The following SYNE2 variants were observed in gnomAD, a reference collection of about 807,000 sequenced individuals.
SYNE2 encodes nesprin-2.
A neutral mutation model predicts 856.3 loss-of-function variants in SYNE2; 431 were observed. That is an observed-to-expected ratio of 0.50 (90% CI 0.47 to 0.55). The LOEUF is 0.55. SYNE2 is among the 20% of genes least tolerant of loss of function. SYNE2 has a pLI of 0.00. For missense variants in SYNE2, 8,129 were observed against 8,023.2 expected (o/e 1.01, Z -0.50); for synonymous variants, 2,923 against 2,872.3 (o/e 1.02, Z -0.56).
chr14:64,126,404 C>G lies in SYNE2; in HGVS notation c.13632C>G (p.Leu4544=). 1 of 1,614,150 alleles carries G rather than the reference C, an allele frequency of 6.2e-7. No homozygotes were observed. Among genetic ancestry groups the G allele is most frequent in the Non-Finnish European group, 8.5e-7 (1 of 1,180,016 alleles). ...TATTCCTGACCCTCAGTCAGTGCCTCAGCAGTGTGGAGGAGATGCTGGAGA... is the reference window on the plus strand; with the variant it reads ...TATTCCTGACCCTCAGTCAGTGCCTGAGCAGTGTGGAGGAGATGCTGGAGA... ...FELFLTLSQC[L]SSVEEMLEMP... Residue 4544 remains leucine (L), a synonymous_variant, in exon 72 of 116, where the codon CTC becomes CTG. Coordinates refer to ENST00000555002, the MANE Select transcript of SYNE2 (RefSeq NM_182914.3).
intron 1 of SYNE2, among the ~76,000 whole-genome samples, chr14:63,832,866 CAAAAAAAAAAAAAAA>C (rs36099684): frequency 3.1e-5 from 2 of 64,752 alleles, no homozygotes; most frequent in Non-Finnish European, 5.7e-5. Flanking sequence ...CTGTCTCTAC[CAAAAAAAAAAAAAAA>C]AAAAAAAAAT....
intron 84 of SYNE2, among the ~76,000 whole-genome samples, chr14:64,147,518 T>C (rs1398476211): frequency 1.3e-5 from 2 of 152,164 alleles, no homozygotes; most frequent in Non-Finnish European, 2.9e-5. Context: ...TTGTTTCTCT[T>C]TTTGATAGAT....
chr14:64,217,716 C>T (rs534890494), intron 108 of SYNE2, among the ~76,000 whole-genome samples: 1 of 152,246 alleles, frequency 6.6e-6, no homozygotes, highest in East Asian at 1.9e-4. Context: ...TGTCTGAAGC[C>T]AGATGTATCA....
intron 8 of SYNE2, among the ~76,000 whole-genome samples, chr14:63,957,295 G>T (rs1276045658): frequency 1.4e-5 from 2 of 141,772 alleles, no homozygotes; most frequent in Non-Finnish European, 3.0e-5. Context: ...TTGAGACAGG[G>T]TCTCGCTCAG....
chr14:64,172,843 G>A (rs1340544677), intron 94 of SYNE2, among the ~76,000 whole-genome samples: 3 of 152,002 alleles, frequency 2.0e-5, no homozygotes, highest in Non-Finnish European at 4.4e-5. Context: ...TGAGGCAGGA[G>A]GGTCACACTT....
At chr14:64,081,952 G>A (rs2097527064) in intron 57 of SYNE2, among the ~76,000 whole-genome samples, 2 of 152,090 alleles carry the variant, frequency 1.3e-5, no homozygotes, top group Non-Finnish European at 2.9e-5. Flanking sequence ...TGGGCACGGT[G>A]GCGGGCGCCT....
At chr14:63,982,897 A>C in intron 17 of SYNE2, 103 bp downstream of exon 17, 5 of 1,161,210 alleles carry the variant, frequency 4.3e-6, no homozygotes, top group Non-Finnish European at 6.3e-6. Flanking sequence ...GTATATGCAC[A>C]GTTACGTAGC....
At position 64,219,267 on chromosome 14, in the gene SYNE2, A is replaced by G. The variant is rs749324902; in HGVS notation, c.19717A>G (p.Lys6573Glu). The G allele has an allele frequency of 6.2e-7, 1 of 1,614,082 alleles. No individual in the cohort carries two copies. The highest frequency in any genetic ancestry group is 8.5e-7 in the Non-Finnish European group (1 of 1,180,018). Residue 6573 changes from lysine (K) to glutamate (E), a missense_variant, in exon 110 of 116, where the codon AAA becomes GAA. This residue lies in a region of SYNE2 where 5,410 missense variants were observed against 5,284.8 expected (regional missense o/e 1.02). Transcript: ENST00000555002. Reference sequence around the variant, plus strand: ...GGAGCTTCACAATAAGCTCAAAATAAAACAAAATTTGCAACAGCTGAACTC... The same window carrying G: ...GGAGCTTCACAATAAGCTCAAAATAGAACAAAATTTGCAACAGCTGAACTC... Reference protein sequence around the residue: ...AQELHNKLKIKQNLQQLNSDI... With the variant: ...AQELHNKLKIEQNLQQLNSDI...
Position 63,961,568 on chromosome 14 carries a change from T to C in SYNE2, c.831T>C (p.Tyr277=). ...VDPDEKSIMT[Y]VAQFLQYSKD... ...CTGATGAAAAGTCCATCATGACCTA[T>C]GTGGCACAGTTTCTGCAGTATTCCA... The change falls in exon 9 of 116, where the codon TAT becomes TAC. Residue 277 remains tyrosine, a synonymous_variant. Transcript: ENST00000555002. 2 of 1,614,152 alleles carry C rather than the reference T, an allele frequency of 1.2e-6. No homozygotes were observed. The highest frequency in any genetic ancestry group is 1.7e-6 in the Non-Finnish European group (2 of 1,179,978).
rs748623115 is a variant in SYNE2, at chr14:64,134,021, C to A, written c.14515-48C>A. The A allele has an allele frequency of 1.9e-6, 3 of 1,609,210 alleles. No individual in the cohort carries two copies. The African/African-American group carries it at 4.0e-5, about 22-fold the overall frequency. On this transcript the variant is annotated intron_variant, in intron 77 of 115. Coordinates refer to ENST00000555002, the MANE Select transcript of SYNE2 (RefSeq NM_182914.3). ...TGATTAATTATGTTGTTATCTGGAA[C>A]CAATCTGGTAAAGGGCTTCCACTAA...
Position 64,188,680 on chromosome 14 carries a change from T to C in SYNE2, c.17843T>C (p.Ile5948Thr), listed in dbSNP as rs1305591449. 2 of 1,613,990 alleles carry C rather than the reference T, an allele frequency of 1.2e-6. No homozygotes were observed. The highest frequency in any genetic ancestry group is 1.7e-6 in the Non-Finnish European group (2 of 1,180,018). ...NKVLQTADISIEEMIEKLQKD... is the reference protein window; with the variant it reads ...NKVLQTADISTEEMIEKLQKD... ...GTTCTACAGACAGCGGACATTAGTA[T>C]TGAAGAAATGATTGAAAAGTTACAG... The change falls in exon 98 of 116, where the codon ATT becomes ACT. Residue 5948 changes from isoleucine (I) to threonine (T), a missense_variant. Ile to Thr is a moderately conservative substitution (Grantham distance 89). Around this residue, in one of 3 missense-constraint regions of SYNE2, gnomAD observed 5,410 missense variants for 5,284.8 expected, o/e 1.02. Transcript: ENST00000555002.
chr14:64,176,334 G>A (rs2098435361), intron 95 of SYNE2, among the ~76,000 whole-genome samples: 1 of 152,152 alleles, frequency 6.6e-6, no homozygotes, highest in South Asian at 2.1e-4. Context: ...TTTTCTCTGA[G>A]CCTTAGTTTT....
Position 64,072,063 on chromosome 14 carries a change from C to T in SYNE2, c.10697+1153C>T, listed in dbSNP as rs74783949. Among the ~76,000 whole-genome samples, 1,287 of 152,136 alleles carry T rather than the reference C, an allele frequency of 8.5e-3. 21 individuals carry two copies. Among genetic ancestry groups the T allele is most frequent in the African/African-American group, 0.029 (1,217 of 41,492 alleles). Reference sequence around the variant, plus strand: ...TATAATATTCTACCATGAAGATATGCCATAATGTGTTAAACCAAGCCCCTA... The same window carrying T: ...TATAATATTCTACCATGAAGATATGTCATAATGTGTTAAACCAAGCCCCTA... On this transcript the variant is annotated intron_variant, in intron 52 of 115. Transcript: ENST00000555002.
intron 2 of SYNE2, among the ~76,000 whole-genome samples, chr14:63,917,842 G>A (rs939707035): frequency 6.6e-6 from 1 of 151,364 alleles, no homozygotes; most frequent in Admixed American, 6.6e-5. Context: ...TATTTGCACT[G>A]CAAAGTGTTT....
At chr14:64,092,481 T>C (rs1046882408) in intron 60 of SYNE2, among the ~76,000 whole-genome samples, 2 of 152,312 alleles carry the variant, frequency 1.3e-5, no homozygotes, top group East Asian at 1.9e-4. Context: ...TAGTTCATTA[T>C]TGAGGGCTGG....
At position 64,081,466 on chromosome 14, in the gene SYNE2, T is replaced by C. The variant is rs2153612945; in HGVS notation, c.11370T>C (p.Tyr3790=). The C allele has an allele frequency of 1.2e-6, 2 of 1,614,196 alleles. No individual in the cohort carries two copies. Among genetic ancestry groups the C allele is most frequent in the Non-Finnish European group, 1.7e-6 (2 of 1,180,022 alleles). ...LNKATVKMEE[Y]SDLLKSTEAW... ...AGGCCACAGTTAAGATGGAGGAATA[T>C]AGTGACCTTCTGAAGAGCACTGAGG... The change falls in exon 57 of 116, where the codon TAT becomes TAC. Residue 3790 remains tyrosine (Y), a synonymous_variant. Coordinates refer to ENST00000555002, the MANE Select transcript of SYNE2 (RefSeq NM_182914.3).
chr14:63,895,981 C>A (rs1461123107), intron 1 of SYNE2, among the ~76,000 whole-genome samples: 1 of 151,712 alleles, frequency 6.6e-6, no homozygotes, highest in East Asian at 1.9e-4. Context: ...ACATAAAATT[C>A]TATAGAAGAA....
At chr14:63,929,874 C>G (rs2095724766) in intron 2 of SYNE2, among the ~76,000 whole-genome samples, 1 of 151,836 alleles carries the variant, frequency 6.6e-6, no homozygotes, top group South Asian at 2.1e-4. Context: ...TCCAGAATTC[C>G]AGGTTAAGGA....
intron 85 of SYNE2, among the ~76,000 whole-genome samples, chr14:64,155,387 G>C (rs573961993): frequency 6.6e-6 from 1 of 152,248 alleles, no homozygotes; most frequent in South Asian, 2.1e-4. Flanking sequence ...TTCTGTTTAC[G>C]TGGAATAACC....
Sources: gnomAD v4.1 joint callset for allele counts (sites outside exome capture counted in the v4.1 genomes callset) on GRCh38, gnomAD v4.1.1 for gene constraint, gnomAD v4.1.1 regional missense constraint, MANE v1.5 for transcripts, NCBI Gene and HGNC (gene_info 2026-07-23, HGNC 2026-07-21) for gene names.